GABRB1: variants seen among roughly 807,000 people sequenced by gnomAD.
The protein encoded by GABRB1 is gamma-aminobutyric acid receptor subunit beta-1.
A neutral mutation model predicts 51.6 loss-of-function variants in GABRB1; 17 were observed. That is an observed-to-expected ratio of 0.33 (90% confidence interval 0.23 to 0.49). The LOEUF (loss-of-function observed/expected upper bound fraction) is 0.49, where lower values mean the gene tolerates loss of function less well. Ranked by LOEUF, GABRB1 falls within the 20% of genes least tolerant of loss-of-function variation. GABRB1 has a pLI of 0.99. For synonymous variants in GABRB1, 247 were observed against 218.9 expected, an observed-to-expected ratio of 1.13 and a Z score of -1.14; for missense variants, 410 against 600.6, an observed-to-expected ratio of 0.68 and a Z score of 3.32.
At chr4:47,155,946 T>TATATATATATATATATAC (rs1577958581) in intron 3 of GABRB1, among the ~76,000 whole-genome samples, 1 of 142,502 alleles carries the variant, frequency 7.0e-6, no homozygotes, top group Admixed American at 7.1e-5. Context: ...TATATATATA[T>TATATATATATATATATAC]GAAACCACTT....
chr4:47,398,998 G>T (rs759270609), intron 5 of GABRB1, among the ~76,000 whole-genome samples: 2 of 152,190 alleles, frequency 1.3e-5, no homozygotes, highest in Admixed American at 6.5e-5. Context: ...CACCATGTTA[G>T]CCAGGATGGT....
At chr4:47,057,281 T>C (rs1726654598) in intron 3 of GABRB1, among the ~76,000 whole-genome samples, 1 of 152,228 alleles carries the variant, frequency 6.6e-6, no homozygotes, top group African/African-American at 2.4e-5. Flanking sequence ...CATGGTACCT[T>C]TAATAATCTT....
chr4:47,289,478 T>G (rs1023056025), intron 4 of GABRB1, among the ~76,000 whole-genome samples: 1 of 152,202 alleles, frequency 6.6e-6, no homozygotes, highest in Non-Finnish European at 1.5e-5. Context: ...TACACCCATT[T>G]GTCCTCAACC....
chr4:47,265,715 T>A (rs916815785), intron 4 of GABRB1, among the ~76,000 whole-genome samples: 1 of 152,222 alleles, frequency 6.6e-6, no homozygotes, highest in Non-Finnish European at 1.5e-5. Context: ...TTTTTTCATA[T>A]GCTTGTTGGC....
chr4:47,210,627 A>G lies in GABRB1; in HGVS notation c.461+49158A>G, dbSNP rs956528829. Among the ~76,000 whole-genome samples, 3 of 152,326 alleles carry G rather than the reference A, an allele frequency of 2.0e-5. No homozygotes were observed. In the East Asian group the frequency reaches 5.8e-4, roughly 29 times the overall value. On this transcript the variant is annotated intron_variant, in intron 4 of 8. Transcript: ENST00000295454. The stretch of plus-strand genomic sequence containing the variant: ...ATAAAATATAATACTTGGAATATTG[A>G]TATCTTCATATAATAATTGTGTAGA...
At chr4:47,095,296 C>T (rs899503048) in intron 3 of GABRB1, among the ~76,000 whole-genome samples, 1 of 151,776 alleles carries the variant, frequency 6.6e-6, no homozygotes, top group African/African-American at 2.4e-5. Flanking sequence ...GCACTGGGGG[C>T]ACCTTTCAGA....
upstream of GABRB1, among the ~76,000 whole-genome samples, chr4:47,028,862 G>A (rs1725188124): frequency 6.8e-6 from 1 of 146,186 alleles, no homozygotes; most frequent in Non-Finnish European, 1.5e-5. Flanking sequence ...TGTATATATG[G>A]TATATATACC....
At chr4:47,273,108 G>A (rs1007366808) in intron 4 of GABRB1, among the ~76,000 whole-genome samples, 2 of 152,080 alleles carry the variant, frequency 1.3e-5, no homozygotes, top group Non-Finnish European at 2.9e-5. Flanking sequence ...AATCCTTATG[G>A]TGCGTTGGCT....
At chr4:47,275,175 T>A (rs537722550) in intron 4 of GABRB1, among the ~76,000 whole-genome samples, 1 of 152,302 alleles carries the variant, frequency 6.6e-6, no homozygotes, top group Non-Finnish European at 1.5e-5. Flanking sequence ...GTATTTACTC[T>A]GTATGTTTAC....
chr4:47,143,967 T>A (rs1717044523), intron 3 of GABRB1, among the ~76,000 whole-genome samples: 1 of 151,968 alleles, frequency 6.6e-6, no homozygotes. Context: ...AAATATGTGC[T>A]GAAAAAGTAT....
intron 3 of GABRB1, among the ~76,000 whole-genome samples, chr4:47,066,995 C>T (rs369247997): frequency 2.6e-5 from 4 of 152,142 alleles, no homozygotes; most frequent in African/African-American, 7.2e-5. Flanking sequence ...AATTACTCCT[C>T]GAATGAACGA....
chr4:47,166,151 C>T (rs1448803163), intron 4 of GABRB1, among the ~76,000 whole-genome samples: 1 of 152,100 alleles, frequency 6.6e-6, no homozygotes, highest in Admixed American at 6.6e-5. Context: ...ATATCTGAGG[C>T]ATTTCAAGCT....
intron 4 of GABRB1, among the ~76,000 whole-genome samples, chr4:47,265,534 G>A (rs1400823131): frequency 6.6e-6 from 1 of 152,086 alleles, no homozygotes; most frequent in Non-Finnish European, 1.5e-5. Flanking sequence ...TTCCATAGAG[G>A]TTGTACTAGT....
At chr4:47,165,326 C>G (rs569420237) in intron 4 of GABRB1, among the ~76,000 whole-genome samples, 1 of 152,170 alleles carries the variant, frequency 6.6e-6, no homozygotes, top group Non-Finnish European at 1.5e-5. Flanking sequence ...TCCAGCCCTT[C>G]CTCTCTGTTG....
chr4:47,203,568 GA>G (rs1290303865), intron 4 of GABRB1, among the ~76,000 whole-genome samples: 2 of 152,064 alleles, frequency 1.3e-5, no homozygotes, highest in Non-Finnish European at 2.9e-5. Flanking sequence ...AAAGAGGATA[GA>G]AATACCTCTT....
intron 3 of GABRB1, among the ~76,000 whole-genome samples, chr4:47,085,818 C>T (rs1036613917): frequency 6.6e-6 from 1 of 152,204 alleles, no homozygotes; most frequent in Non-Finnish European, 1.5e-5. Context: ...TTTGTGCCGG[C>T]TGTGCCCTGT....
chr4:47,011,008 T>G (rs1724565977), intron 1 of GABRB1, among the ~76,000 whole-genome samples: 1 of 152,070 alleles, frequency 6.6e-6, no homozygotes, highest in Non-Finnish European at 1.5e-5. Flanking sequence ...CAGCTAGAGG[T>G]AAAAATCTTA....
At chr4:47,018,034 T>G (rs1724801613) in intron 1 of GABRB1, among the ~76,000 whole-genome samples, 1 of 152,016 alleles carries the variant, frequency 6.6e-6, no homozygotes. Flanking sequence ...TTTCTTCTTC[T>G]TTGTCGTCAT....
At chr4:47,295,442 C>T (rs986938930) in intron 4 of GABRB1, among the ~76,000 whole-genome samples, 2 of 151,972 alleles carry the variant, frequency 1.3e-5, no homozygotes, top group Non-Finnish European at 2.9e-5. Context: ...AGCCAAGGCT[C>T]GAGAACTACA....
Sources: gnomAD v4.1 joint callset for allele counts (sites outside exome capture counted in the v4.1 genomes callset) on GRCh38, gnomAD v4.1.1 for gene constraint, MANE v1.5 for transcripts, NCBI Gene and HGNC (gene_info 2026-07-23, HGNC 2026-07-21) for gene names.